Variants in PDE3A observed in about 807,000 individuals in gnomAD.
The protein encoded by PDE3A is cGMP-inhibited 3',5'-cyclic phosphodiesterase 3A.
PDE3A carries 43 observed loss-of-function variants against 98.3 expected under a neutral mutation model. The ratio of observed to expected loss-of-function variants is 0.44; its 90% CI spans 0.34 to 0.56. The LOEUF (loss-of-function observed/expected upper bound fraction) is 0.56. PDE3A is among the 20% of genes least tolerant of loss of function. The probability of loss-of-function intolerance (pLI) is 0.01; values close to 1 mark genes in which losing one functional copy is unlikely to be tolerated. For missense variants in PDE3A, 1,427 were observed against 1,440.7 expected, an observed-to-expected ratio of 0.99 and a Z score of 0.15; for synonymous variants, 663 against 567.9, an observed-to-expected ratio of 1.17 and a Z score of -2.38.
chr12:20,449,043 A>T (rs1387591759), intron 1 of PDE3A, among the ~76,000 whole-genome samples: 2 of 152,210 alleles, frequency 1.3e-5, no homozygotes, highest in Non-Finnish European at 2.9e-5. Context: ...ATTGCTAAGT[A>T]TGTAAAAGCT....
In PDE3A at chr12:20,601,152, A is replaced by G. The variant is rs1333887209; in HGVS notation, c.1012-12291A>G. On this transcript the variant is annotated intron_variant, in intron 2 of 15. Coordinates refer to ENST00000359062, the MANE Select transcript of PDE3A (RefSeq NM_000921.5). ...TGAATCGAGAATTGTGGCAGGTGCT[A>G]TTGCAACGAGGATCTATGTATATAT... Among the ~76,000 whole-genome samples, 16 of 152,294 alleles carry G rather than the reference A, an allele frequency of 1.1e-4. No individual in the cohort carries two copies. The East Asian group carries it at 2.3e-3, about 22-fold the overall frequency.
chr12:20,445,099 T>C (rs1191743558), intron 1 of PDE3A, among the ~76,000 whole-genome samples: 1 of 152,202 alleles, frequency 6.6e-6, no homozygotes, highest in Non-Finnish European at 1.5e-5. Context: ...ATTGCACAAG[T>C]AAACGGGTTG....
chr12:20,461,115 G>T (rs987486667), intron 1 of PDE3A, among the ~76,000 whole-genome samples: 3 of 151,096 alleles, frequency 2.0e-5, no homozygotes, highest in African/African-American at 7.3e-5. Context: ...CTACTCTAAT[G>T]TTACTGATTA....
intron 1 of PDE3A, among the ~76,000 whole-genome samples, chr12:20,385,573 A>T (rs890419620): frequency 5.9e-5 from 9 of 151,916 alleles, no homozygotes; most frequent in African/African-American, 2.2e-4. Flanking sequence ...GATTAAGAAA[A>T]TGTGGCATAT....
At chr12:20,617,757 T>C (rs1944040110) in intron 4 of PDE3A, among the ~76,000 whole-genome samples, 1 of 152,114 alleles carries the variant, frequency 6.6e-6, no homozygotes. Context: ...AAAAATCCAC[T>C]CATGCCTTCT....
chr12:20,497,124 C>T (rs1176291455), intron 1 of PDE3A, among the ~76,000 whole-genome samples: 1 of 152,188 alleles, frequency 6.6e-6, no homozygotes, highest in Non-Finnish European at 1.5e-5. Context: ...TTAATGAAAA[C>T]TGTAAGTAGT....
intron 1 of PDE3A, among the ~76,000 whole-genome samples, chr12:20,516,169 A>C (rs1259121922): frequency 6.6e-6 from 1 of 152,160 alleles, no homozygotes; most frequent in African/African-American, 2.4e-5. Flanking sequence ...GAAGACAAGC[A>C]TACTTTTTTT....
At chr12:20,593,419 T>C (rs1943387062) in intron 2 of PDE3A, among the ~76,000 whole-genome samples, 1 of 152,010 alleles carries the variant, frequency 6.6e-6, no homozygotes, top group South Asian at 2.1e-4. Context: ...CAGAGCAGCA[T>C]AATAATATCT....
At chr12:20,616,204 G>T (rs564171144) in intron 3 of PDE3A, 26 bp from the exon 4 acceptor site, 1 of 1,606,016 alleles carries the variant, frequency 6.2e-7, no homozygotes, top group Non-Finnish European at 8.5e-7. Flanking sequence ...AATATTCTGG[G>T]TAATGAAGTC....
At chr12:20,666,263 C>T (rs939500234) in intron 15 of PDE3A, among the ~76,000 whole-genome samples, 4 of 152,134 alleles carry the variant, frequency 2.6e-5, no homozygotes, top group African/African-American at 9.7e-5. Context: ...CTGCACCCGG[C>T]CATATTTATC....
At chr12:20,496,622 G>C (rs748169243) in intron 1 of PDE3A, among the ~76,000 whole-genome samples, 10 of 151,196 alleles carry the variant, frequency 6.6e-5, no homozygotes, top group Non-Finnish European at 8.8e-5. Flanking sequence ...TCTTATCAAT[G>C]AGCTGTCCAC....
At chr12:20,462,231 C>A (rs1945263946) in intron 1 of PDE3A, among the ~76,000 whole-genome samples, 1 of 152,170 alleles carries the variant, frequency 6.6e-6, no homozygotes, top group South Asian at 2.1e-4. Context: ...TGGCTTATGC[C>A]TGTAATCCCA....
chr12:20,427,619 G>A (rs1346282067), intron 1 of PDE3A, among the ~76,000 whole-genome samples: 1 of 152,020 alleles, frequency 6.6e-6, no homozygotes, highest in African/African-American at 2.4e-5. Flanking sequence ...TTGTATAACT[G>A]ATTTGAAAAA....
intron 1 of PDE3A, among the ~76,000 whole-genome samples, chr12:20,522,958 T>C (rs531014090): frequency 2.0e-5 from 3 of 151,972 alleles, no homozygotes; most frequent in African/African-American, 7.2e-5. Context: ...TGGGGAGTCA[T>C]GGTCATATAA....
At chr12:20,619,009 C>CT (rs1186394607) in intron 4 of PDE3A, among the ~76,000 whole-genome samples, 1 of 152,026 alleles carries the variant, frequency 6.6e-6, no homozygotes, top group Non-Finnish European at 1.5e-5. Context: ...CGTGTAAAGC[C>CT]TTTCCTAAGC....
At chr12:20,422,917 A>G (rs1337218812) in intron 1 of PDE3A, among the ~76,000 whole-genome samples, 1 of 152,230 alleles carries the variant, frequency 6.6e-6, no homozygotes, top group African/African-American at 2.4e-5. Context: ...ATTTTAAAAT[A>G]CTGACATCTT....
chr12:20,390,894 T>A (rs1470953869), intron 1 of PDE3A, among the ~76,000 whole-genome samples: 1 of 151,976 alleles, frequency 6.6e-6, no homozygotes, highest in African/African-American at 2.4e-5. Flanking sequence ...GTGCAAAGAC[T>A]ATCACCCTAT....
chr12:20,386,100 A>AATATAT (rs375826971), intron 1 of PDE3A, among the ~76,000 whole-genome samples: 1 of 17,162 alleles, frequency 5.8e-5, no homozygotes, highest in African/African-American at 1.5e-4. Context: ...AATATATATA[A>AATATAT]ATATATATAT....
intron 2 of PDE3A, among the ~76,000 whole-genome samples, chr12:20,592,522 T>C (rs971312847): frequency 6.6e-6 from 1 of 152,204 alleles, no homozygotes; most frequent in Non-Finnish European, 1.5e-5. Flanking sequence ...TGTGCTGTTA[T>C]TATAACGAAA....
Sources: allele counts gnomAD v4.1 joint callset (sites outside exome capture counted in the v4.1 genomes callset), GRCh38; gene constraint gnomAD v4.1.1; transcripts MANE v1.5; gene names NCBI Gene and HGNC (gene_info 2026-07-23, HGNC 2026-07-21).